The following ERBB4 variants were observed in gnomAD, a reference collection of about 807,000 sequenced individuals.
The protein encoded by ERBB4 is receptor tyrosine-protein kinase erbB-4.
Under a neutral mutation model 158.0 loss-of-function variants are expected in ERBB4, and 42 were observed. The ratio of observed to expected loss-of-function variants is 0.27; its 90% CI spans 0.21 to 0.34. The LOEUF (loss-of-function observed/expected upper bound fraction) is 0.34. Among genes scored for constraint, ERBB4 ranks in the 10% least tolerant of loss-of-function variants. ERBB4 has a pLI of 1.00. For missense variants in ERBB4, 1,333 were observed against 1,624.1 expected (o/e 0.82, Z 3.08); for synonymous variants, 583 against 558.7 (o/e 1.04, Z -0.61).
intron 1 of ERBB4, among the ~76,000 whole-genome samples, chr2:212,421,117 C>T (rs1460721067): frequency 6.6e-6 from 1 of 151,996 alleles, no homozygotes; most frequent in African/African-American, 2.4e-5. Flanking sequence ...ATTCATCAAC[C>T]ACATATCTTA....
At chr2:212,109,242 TTCC>T (rs1215904441) in intron 2 of ERBB4, among the ~76,000 whole-genome samples, 1 of 152,006 alleles carries the variant, frequency 6.6e-6, no homozygotes, top group Non-Finnish European at 1.5e-5. Context: ...CAGTTAAGAG[TTCC>T]GGTCCATTTT....
Position 212,141,788 on chromosome 2 carries a change from T to C in ERBB4, c.83-16885A>G, listed in dbSNP as rs574096328. ...AGCCACGAAAGTCCCTATTTGAATATTGCCATGTCTTTCCATCTGATGTCC... is the reference window on the plus strand; with the variant it reads ...AGCCACGAAAGTCCCTATTTGAATACTGCCATGTCTTTCCATCTGATGTCC... On this transcript the variant is annotated intron_variant, in intron 1 of 27. Coordinates refer to ENST00000342788, the MANE Select transcript of ERBB4 (RefSeq NM_005235.3). Among the ~76,000 whole-genome samples the C allele has an allele frequency of 4.5e-4, 69 of 152,272 alleles. 2 individuals carry two copies. In the South Asian group the frequency reaches 6.6e-3, roughly 15 times the overall value.
At chr2:211,670,351 C>G (rs939083321) in intron 14 of ERBB4, among the ~76,000 whole-genome samples, 1 of 152,158 alleles carries the variant, frequency 6.6e-6, no homozygotes, top group African/African-American at 2.4e-5. Flanking sequence ...ATGTCGTGTT[C>G]TTACCTGCTT....
intron 20 of ERBB4, among the ~76,000 whole-genome samples, chr2:211,508,264 C>T (rs62178830): frequency 0.12 from 18,036 of 151,924 alleles, 1,308 homozygotes; most frequent in African/African-American, 0.21. Flanking sequence ...CCAGAATCTA[C>T]AAGGAACTTA....
chr2:212,393,798 T>C (rs997824100), intron 1 of ERBB4, among the ~76,000 whole-genome samples: 2 of 152,130 alleles, frequency 1.3e-5, no homozygotes, highest in African/African-American at 4.8e-5. Context: ...TCTTTTTGTC[T>C]ACATTTCCTA....
intron 20 of ERBB4, among the ~76,000 whole-genome samples, chr2:211,531,612 T>C (rs1302052769): frequency 6.6e-6 from 1 of 151,974 alleles, no homozygotes; most frequent in East Asian, 1.9e-4. Context: ...CAAGGAGATA[T>C]CATCTCACCC....
At chr2:211,806,768 A>G (rs1444021053) in intron 3 of ERBB4, among the ~76,000 whole-genome samples, 1 of 152,184 alleles carries the variant, frequency 6.6e-6, no homozygotes, top group Non-Finnish European at 1.5e-5. Flanking sequence ...AAAAACAAGC[A>G]AACTGCACAA....
chr2:212,527,380 T>G (rs549024679), intron 1 of ERBB4, among the ~76,000 whole-genome samples: 1 of 152,134 alleles, frequency 6.6e-6, no homozygotes, highest in African/African-American at 2.4e-5. Context: ...TTGCACCAAC[T>G]TAATAATTTT....
chr2:212,055,873 C>A (rs1253725309), intron 2 of ERBB4, among the ~76,000 whole-genome samples: 1 of 152,362 alleles, frequency 6.6e-6, no homozygotes, highest in East Asian at 1.9e-4. Flanking sequence ...TAGACCACCT[C>A]TCCCCGTCCA....
At chr2:212,325,841 T>C (rs2087801659) in intron 1 of ERBB4, among the ~76,000 whole-genome samples, 1 of 150,584 alleles carries the variant, frequency 6.6e-6, no homozygotes, top group African/African-American at 2.4e-5. Flanking sequence ...AGGTGTATAC[T>C]GACAAACAAA....
At chr2:211,825,888 A>T (rs1318175587) in intron 3 of ERBB4, among the ~76,000 whole-genome samples, 1 of 147,558 alleles carries the variant, frequency 6.8e-6, no homozygotes, top group Admixed American at 6.8e-5. Flanking sequence ...GATTAATTAT[A>T]TTATATAATA....
At chr2:212,055,158 C>T (rs888541532) in intron 2 of ERBB4, among the ~76,000 whole-genome samples, 6 of 152,214 alleles carry the variant, frequency 3.9e-5, no homozygotes, top group Non-Finnish European at 8.8e-5. Context: ...ATACTCCGCA[C>T]CTGGCTCGGA....
intron 16 of ERBB4, among the ~76,000 whole-genome samples, chr2:211,650,209 A>G (rs960361413): frequency 2.6e-5 from 4 of 152,082 alleles, no homozygotes; most frequent in Non-Finnish European, 5.9e-5. Context: ...TTTTCTAAAT[A>G]TATGGCAGGC....
chr2:212,170,818 C>G (rs2081493459), intron 1 of ERBB4, among the ~76,000 whole-genome samples: 2 of 152,108 alleles, frequency 1.3e-5, no homozygotes, highest in African/African-American at 4.8e-5. Flanking sequence ...TATGGAAACA[C>G]CTGGATGTCC....
chr2:211,646,663 T>C (rs2070790577), intron 16 of ERBB4, among the ~76,000 whole-genome samples: 1 of 151,680 alleles, frequency 6.6e-6, no homozygotes, highest in East Asian at 1.9e-4. Context: ...TTTGGAGTAA[T>C]TGTTATATAT....
chr2:212,312,980 T>G (rs1386448367), intron 1 of ERBB4, among the ~76,000 whole-genome samples: 2 of 151,020 alleles, frequency 1.3e-5, no homozygotes, highest in African/African-American at 4.8e-5. Context: ...GAAAAATTAA[T>G]GTCTTTTTTT....
intron 1 of ERBB4, among the ~76,000 whole-genome samples, chr2:212,471,372 A>T (rs576983969): frequency 1.3e-5 from 2 of 152,144 alleles, no homozygotes; most frequent in Admixed American, 1.3e-4. Flanking sequence ...CCTGCCAACT[A>T]GACAAATAGA....
intron 3 of ERBB4, among the ~76,000 whole-genome samples, chr2:211,802,441 G>C (rs192308043): frequency 6.6e-6 from 1 of 152,222 alleles, no homozygotes; most frequent in Admixed American, 6.5e-5. Flanking sequence ...TAACTATTAG[G>C]TTCTCTATTC....
chr2:212,157,690 C>T (rs2125641206), intron 1 of ERBB4, among the ~76,000 whole-genome samples: 1 of 152,176 alleles, frequency 6.6e-6, no homozygotes, highest in Middle Eastern at 3.4e-3. Context: ...TGAAGTTTAT[C>T]AATTGATAAG....
Sources: allele counts gnomAD v4.1 joint callset (sites outside exome capture counted in the v4.1 genomes callset), GRCh38; gene constraint gnomAD v4.1.1; transcripts MANE v1.5; gene names NCBI Gene and HGNC (gene_info 2026-07-23, HGNC 2026-07-21).